GREB1L: variants seen among roughly 807,000 people sequenced by gnomAD.
The protein encoded by GREB1L is GREB1-like protein.
In GREB1L, 17 loss-of-function variants were observed where a neutral mutation model predicts 200.8. The ratio of observed to expected loss-of-function variants is 0.08; its 90% CI spans 0.06 to 0.13. The LOEUF is 0.13. Among genes scored for constraint, GREB1L ranks in the 10% least tolerant of loss-of-function variants. GREB1L has a pLI of 1.00. For missense variants in GREB1L, 1,657 were observed against 2,367.7 expected, an observed-to-expected ratio of 0.70 and a Z score of 6.23; for synonymous variants, 789 against 893.0, an observed-to-expected ratio of 0.88 and a Z score of 2.08.
At chr18:21,372,722 G>A (rs2039926901) in intron 2 of GREB1L, among the ~76,000 whole-genome samples, 1 of 151,986 alleles carries the variant, frequency 6.6e-6, no homozygotes, top group Admixed American at 6.5e-5. Context: ...AGGAATTCAA[G>A]ATCAGCCTGA....
intron 2 of GREB1L, among the ~76,000 whole-genome samples, chr18:21,375,047 GTTTTGTTTTGTT>G (rs1318203259): frequency 2.1e-5 from 3 of 143,912 alleles, no homozygotes; most frequent in Non-Finnish European, 4.5e-5. Flanking sequence ...TTTTTGTTTT[GTTTTGTTTTGTT>G]TTTTGTTTTT....
chr18:21,506,682 A>G (rs1255932085), intron 25 of GREB1L, among the ~76,000 whole-genome samples: 1 of 152,226 alleles, frequency 6.6e-6, no homozygotes, highest in Non-Finnish European at 1.5e-5. Flanking sequence ...GATTCTAACA[A>G]GACTGTTGAT....
intron 1 of GREB1L, among the ~76,000 whole-genome samples, chr18:21,286,222 G>A (rs527561133): frequency 6.6e-6 from 1 of 152,320 alleles, no homozygotes; most frequent in East Asian, 1.9e-4. Context: ...ATCCTGATAA[G>A]CTTATGCCAG....
intron 11 of GREB1L, among the ~76,000 whole-genome samples, chr18:21,447,892 G>C (rs1378593193): frequency 6.6e-6 from 1 of 152,024 alleles, no homozygotes; most frequent in Non-Finnish European, 1.5e-5. Context: ...GGCCAGGCAC[G>C]GTGGCTCACA....
chr18:21,477,098 T>G, intron 16 of GREB1L, 66 bp from the exon 17 acceptor site: 1 of 1,034,018 alleles, frequency 9.7e-7, no homozygotes, highest in East Asian at 2.7e-5. Context: ...TATGTCCATG[T>G]TAGTGTCTGA....
intron 1 of GREB1L, among the ~76,000 whole-genome samples, chr18:21,342,990 T>C (rs1159376519): frequency 6.6e-5 from 10 of 152,182 alleles, no homozygotes; most frequent in Admixed American, 2.0e-4. Flanking sequence ...CATTTTACCT[T>C]CATCTGTTTT....
intron 9 of GREB1L, among the ~76,000 whole-genome samples, chr18:21,440,740 C>T (rs2033853265): frequency 6.6e-6 from 1 of 152,156 alleles, no homozygotes; most frequent in Admixed American, 6.5e-5. Flanking sequence ...CTTATTATTT[C>T]TGACCTGGAT....
chr18:21,432,701 T>G (rs1380190517), intron 7 of GREB1L, among the ~76,000 whole-genome samples: 2 of 136,272 alleles, frequency 1.5e-5, no homozygotes, highest in Non-Finnish European at 3.0e-5. Context: ...ATTTTCTTTT[T>G]TTTCTTTTTT....
chr18:21,391,407 T>C (rs1463194619), intron 4 of GREB1L, among the ~76,000 whole-genome samples: 1 of 152,226 alleles, frequency 6.6e-6, no homozygotes, highest in Non-Finnish European at 1.5e-5. Context: ...ATCATCTGGG[T>C]GTGTGAAAGT....
chr18:21,290,669 C>T (rs2038433180), intron 1 of GREB1L, among the ~76,000 whole-genome samples: 3 of 151,970 alleles, frequency 2.0e-5, no homozygotes, highest in Admixed American at 2.0e-4. Context: ...CTAAAAAATA[C>T]AAAAGTTGAC....
Position 21,444,220 on chromosome 18 carries a change from A to G in GREB1L, c.1208-4A>G. 1.3e-6 allele frequency: 2 copies of G among 1,548,486 alleles called. No homozygotes were observed. The highest frequency in any genetic ancestry group is 1.2e-5 in the South Asian group (1 of 83,922). ...ACTGTACTGACCTGCTTCTATTGGGACAGGCTATGGCACTTTACCCTATTT... is the reference window on the plus strand; with the variant it reads ...ACTGTACTGACCTGCTTCTATTGGGGCAGGCTATGGCACTTTACCCTATTT... On this transcript the variant is annotated splice_region_variant and splice_polypyrimidine_tract_variant and intron_variant, in intron 10 of 32. Transcript: ENST00000424526.
chr18:21,272,904 TTTTA>T (rs1231971370), intron 1 of GREB1L, among the ~76,000 whole-genome samples: 2 of 152,204 alleles, frequency 1.3e-5, no homozygotes, highest in Non-Finnish European at 2.9e-5. Context: ...TCATGAAAAT[TTTTA>T]TTTATATAAT....
intron 30 of GREB1L, 121 bp from the exon 31 acceptor site, chr18:21,517,913 A>G: frequency 1.4e-6 from 1 of 722,886 alleles, no homozygotes; most frequent in African/African-American, 1.8e-5. Flanking sequence ...ATTTGAACCT[A>G]GCACCCCTCA....
At chr18:21,275,199 C>CA (rs2038142379) in intron 1 of GREB1L, among the ~76,000 whole-genome samples, 1 of 150,758 alleles carries the variant, frequency 6.6e-6, no homozygotes, top group Admixed American at 6.6e-5. Context: ...AAGATTGCAC[C>CA]ACTGCACTCC....
At chr18:21,318,480 C>T (rs1308598916) in intron 1 of GREB1L, among the ~76,000 whole-genome samples, 1 of 151,994 alleles carries the variant, frequency 6.6e-6, no homozygotes, top group African/African-American at 2.4e-5. Context: ...TAGATTCTTC[C>T]AAGGATAATG....
intron 1 of GREB1L, among the ~76,000 whole-genome samples, chr18:21,316,269 A>C (rs2038867289): frequency 6.6e-6 from 1 of 152,182 alleles, no homozygotes; most frequent in African/African-American, 2.4e-5. Context: ...TTCTGTCGCC[A>C]GGCTGGAGTA....
chr18:21,412,051 C>CAAAAAA (rs962603456), intron 7 of GREB1L, among the ~76,000 whole-genome samples: 1 of 30,492 alleles, frequency 3.3e-5, no homozygotes, highest in African/African-American at 1.1e-4. Flanking sequence ...GACTCCGTCT[C>CAAAAAA]AAAAAAAAAA....
At chr18:21,376,641 A>G (rs2040084316) in intron 2 of GREB1L, among the ~76,000 whole-genome samples, 1 of 151,150 alleles carries the variant, frequency 6.6e-6, no homozygotes, top group Non-Finnish European at 1.5e-5. Flanking sequence ...CATCTCTACT[A>G]AAAACACAAA....
At chr18:21,313,954 A>C (rs1416749407) in intron 1 of GREB1L, among the ~76,000 whole-genome samples, 1 of 152,138 alleles carries the variant, frequency 6.6e-6, no homozygotes, top group Admixed American at 6.5e-5. Flanking sequence ...TCCCTCCTAG[A>C]CATGAATTTT....
Sources: gnomAD v4.1 joint callset for allele counts (sites outside exome capture counted in the v4.1 genomes callset) on GRCh38, gnomAD v4.1.1 for gene constraint, MANE v1.5 for transcripts, NCBI Gene and HGNC (gene_info 2026-07-23, HGNC 2026-07-21) for gene names.